KCNT2: variants seen among roughly 807,000 people sequenced by gnomAD.
The protein encoded by KCNT2 is potassium sodium-activated channel subfamily T member 2, also known as potassium channel subfamily T member 2.
In KCNT2, 67 loss-of-function variants were observed where a neutral mutation model predicts 153.8. The observed-to-expected ratio is 0.44, with a 90% CI of 0.36 to 0.53. The LOEUF (loss-of-function observed/expected upper bound fraction) is 0.53, where lower values mean the gene tolerates loss of function less well. Among genes scored for constraint, KCNT2 ranks in the 20% least tolerant of loss-of-function variants. The pLI is 0.00. For synonymous variants in KCNT2, 500 were observed against 458.8 expected (o/e 1.09, Z -1.15); for missense variants, 975 against 1,354.8 (o/e 0.72, Z 4.40).
intron 25 of KCNT2, chr1:196,273,579 C>A: frequency 1.2e-6 from 1 of 857,986 alleles, no homozygotes; most frequent in South Asian, 1.6e-5. Context: ...GTAACAAGGA[C>A]AAAATGTAAC....
intron 8 of KCNT2, among the ~76,000 whole-genome samples, chr1:196,439,558 T>G (rs1308090950): frequency 6.6e-6 from 1 of 151,934 alleles, no homozygotes; most frequent in African/African-American, 2.4e-5. Flanking sequence ...AACCTACAGA[T>G]AGTAGGGGAT....
At chr1:196,325,342 GCTACT>G (rs1423916782) in intron 19 of KCNT2, among the ~76,000 whole-genome samples, 3 of 152,016 alleles carry the variant, frequency 2.0e-5, no homozygotes, top group Non-Finnish European at 4.4e-5. Flanking sequence ...ACAACATATA[GCTACT>G]CTAAGGCAAC....
At chr1:196,284,089 G>C (rs1194293910) in intron 23 of KCNT2, among the ~76,000 whole-genome samples, 1 of 149,512 alleles carries the variant, frequency 6.7e-6, no homozygotes, top group Non-Finnish European at 1.5e-5. Context: ...AAATTAGCCA[G>C]ATGTAATGGT....
chr1:196,462,517 G>A (rs1391573861), intron 8 of KCNT2, among the ~76,000 whole-genome samples: 1 of 151,458 alleles, frequency 6.6e-6, no homozygotes, highest in African/African-American at 2.4e-5. Context: ...AGGATACTAT[G>A]TTTAGATATT....
At chr1:196,461,644 T>C (rs1483684348) in intron 8 of KCNT2, among the ~76,000 whole-genome samples, 1 of 151,796 alleles carries the variant, frequency 6.6e-6, no homozygotes, top group Non-Finnish European at 1.5e-5. Context: ...TCCAGTTTAC[T>C]CTGCTTTGTT....
chr1:196,484,814 G>T (rs1389386183), intron 3 of KCNT2, among the ~76,000 whole-genome samples: 1 of 151,900 alleles, frequency 6.6e-6, no homozygotes, highest in Non-Finnish European at 1.5e-5. Context: ...AACAATAGAT[G>T]CTGGAGAATT....
intron 1 of KCNT2, among the ~76,000 whole-genome samples, chr1:196,543,759 A>T (rs1478328596): frequency 1.3e-5 from 2 of 152,128 alleles, no homozygotes; most frequent in Non-Finnish European, 2.9e-5. Context: ...TGCTGTGAGG[A>T]TATAGAAAAC....
intron 1 of KCNT2, among the ~76,000 whole-genome samples, chr1:196,590,830 G>A (rs967949641): frequency 2.0e-5 from 3 of 152,072 alleles, no homozygotes; most frequent in Admixed American, 1.3e-4. Context: ...ATCCCATGTT[G>A]AAAAGAGATC....
At chr1:196,315,827 T>A in intron 21 of KCNT2, 65 bp downstream of exon 21, 1 of 1,408,918 alleles carries the variant, frequency 7.1e-7, no homozygotes, top group Non-Finnish European at 9.7e-7. Context: ...ACAGAGTCAG[T>A]GTCAAATATT....
rs546608681 is a variant in KCNT2 at position 196,368,812 on chromosome 1, C to T, written c.1403+4328G>A. 1.2e-3 allele frequency among the ~76,000 whole-genome samples: 187 copies of T among 152,258 alleles called. 1 individual carries two copies. In the South Asian group the frequency reaches 0.013, roughly 11 times the overall value. On this transcript the variant is annotated intron_variant, in intron 14 of 27. Coordinates refer to ENST00000294725, the MANE Select transcript of KCNT2 (RefSeq NM_198503.5). Reference sequence around the variant, plus strand: ...TTCACATTTGTGAGCCTGACTGGCACGATCCACCACCTCAGGAACCAAGCG... The same window carrying T: ...TTCACATTTGTGAGCCTGACTGGCATGATCCACCACCTCAGGAACCAAGCG...
chr1:196,252,477 TATA>T (rs1164543778), intron 26 of KCNT2, among the ~76,000 whole-genome samples: 1 of 151,770 alleles, frequency 6.6e-6, no homozygotes. Context: ...TCTGAAATAA[TATA>T]ATACCATTTC....
At chr1:196,544,252 A>C (rs1425978223) in intron 1 of KCNT2, among the ~76,000 whole-genome samples, 1 of 152,106 alleles carries the variant, frequency 6.6e-6, no homozygotes, top group Admixed American at 6.6e-5. Context: ...GTGAAAAAAG[A>C]AATATACAAA....
At chr1:196,496,624 G>T (rs1680280230) in intron 1 of KCNT2, among the ~76,000 whole-genome samples, 1 of 152,074 alleles carries the variant, frequency 6.6e-6, no homozygotes, top group African/African-American at 2.4e-5. Context: ...AAATAAATAT[G>T]AGCTATACAT....
chr1:196,301,119 C>G (rs1480629233), intron 22 of KCNT2, among the ~76,000 whole-genome samples: 1 of 152,188 alleles, frequency 6.6e-6, no homozygotes, highest in Non-Finnish European at 1.5e-5. Flanking sequence ...GTCAACACAC[C>G]TGAACAGACT....
At chr1:196,343,368 A>C (rs930629629) in intron 14 of KCNT2, among the ~76,000 whole-genome samples, 4 of 152,206 alleles carry the variant, frequency 2.6e-5, no homozygotes, top group Non-Finnish European at 5.9e-5. Context: ...CTCATTTTAT[A>C]TAATAAATTC....
chr1:196,304,158 G>A (rs908398806), intron 22 of KCNT2, among the ~76,000 whole-genome samples: 3 of 152,052 alleles, frequency 2.0e-5, no homozygotes, highest in Admixed American at 6.6e-5. Flanking sequence ...TAAACATCAC[G>A]TGTGTGACTA....
chr1:196,463,666 A>G (rs1213134027), intron 8 of KCNT2, among the ~76,000 whole-genome samples: 1 of 151,830 alleles, frequency 6.6e-6, no homozygotes, highest in South Asian at 2.1e-4. Flanking sequence ...AATGAAATAG[A>G]AATAATTTCA....
intron 8 of KCNT2, among the ~76,000 whole-genome samples, chr1:196,432,331 G>C (rs1272100580): frequency 2.6e-5 from 4 of 152,132 alleles, no homozygotes; most frequent in Non-Finnish European, 4.4e-5. Context: ...CCCAACTAGA[G>C]CAATGCCTGG....
intron 1 of KCNT2, among the ~76,000 whole-genome samples, chr1:196,607,113 A>G (rs1330936939): frequency 6.6e-6 from 1 of 152,062 alleles, no homozygotes; most frequent in Non-Finnish European, 1.5e-5. Flanking sequence ...TAGAGACAGG[A>G]GTTGGTATTG....
Sources: allele counts gnomAD v4.1 joint callset (sites outside exome capture counted in the v4.1 genomes callset), GRCh38; gene constraint gnomAD v4.1.1; transcripts MANE v1.5; gene names NCBI Gene and HGNC (gene_info 2026-07-23, HGNC 2026-07-21).